PDZRN4: variants seen among roughly 807,000 people sequenced by gnomAD.
PDZRN4 encodes the protein PDZ domain-containing RING finger protein 4.
In PDZRN4, 70 loss-of-function variants were observed where a neutral mutation model predicts 99.0. The observed-to-expected ratio is 0.71, with a 90% CI of 0.58 to 0.86. PDZRN4 has a LOEUF of 0.86. Among genes scored for constraint, PDZRN4 ranks in the 40% least tolerant of loss-of-function variants. The pLI is 0.00. For synonymous variants in PDZRN4, 551 were observed against 501.6 expected (o/e 1.10, Z -1.32); for missense variants, 1,474 against 1,331.2 (o/e 1.11, Z -1.67).
rs1273518807 is a variant in PDZRN4 at position 41,567,793 on chromosome 12, G to C, written c.1478G>C (p.Gly493Ala). 2 of 1,609,738 alleles carry C rather than the reference G, an allele frequency of 1.2e-6. No individual in the cohort carries two copies. The highest frequency in any genetic ancestry group is 8.5e-7 in the Non-Finnish European group (1 of 1,176,622). ...TGTATTCTTTTGCAGCTGGATGAAG[G>C]CTGGCTGGAAGATGAAAGGAATGAA... The part of the protein sequence containing the change: ...VARPEIQLDE[G>A]WLEDERNEFL... The change falls in exon 9 of 10, where the codon GGC becomes GCC. Residue 493 changes from glycine (G) to alanine (A), a missense_variant. Transcript: ENST00000402685.
intron 3 of PDZRN4, among the ~76,000 whole-genome samples, chr12:41,421,211 T>C (rs73128625): frequency 0.12 from 17,829 of 152,276 alleles, 1,363 homozygotes; most frequent in Non-Finnish European, 0.17. Flanking sequence ...TTGTTTCTTT[T>C]TTTTCTTTTG....
At chr12:41,437,938 T>C (rs748101102) in intron 3 of PDZRN4, 11 of 1,613,832 alleles carry the variant, frequency 6.8e-6, no homozygotes, top group Non-Finnish European at 4.2e-6. Context: ...TCTCTCTGCT[T>C]CTTAGAATGG....
At chr12:41,244,271 C>T (rs567110500) in intron 3 of PDZRN4, among the ~76,000 whole-genome samples, 48 of 152,322 alleles carry the variant, frequency 3.2e-4, no homozygotes, top group African/African-American at 1.0e-3. Context: ...ACCATCTACA[C>T]TAAGCCATTG....
intron 5 of PDZRN4, among the ~76,000 whole-genome samples, chr12:41,526,298 C>A (rs1938566455): frequency 6.6e-6 from 1 of 152,196 alleles, no homozygotes; most frequent in South Asian, 2.1e-4. Flanking sequence ...TGCAGGAATC[C>A]TCAGTGTGCA....
At chr12:41,481,839 A>G (rs190495072) in intron 3 of PDZRN4, among the ~76,000 whole-genome samples, 123 of 152,254 alleles carry the variant, frequency 8.1e-4, no homozygotes, top group Non-Finnish European at 7.4e-4. Flanking sequence ...TTATTTGCCA[A>G]TGTAGTATAT....
intron 3 of PDZRN4, among the ~76,000 whole-genome samples, chr12:41,449,241 G>T (rs1952754783): frequency 6.6e-6 from 1 of 151,976 alleles, no homozygotes; most frequent in African/African-American, 2.4e-5. Context: ...ACTTGAGTAG[G>T]TCCTTTCTTT....
chr12:41,188,915 TGGGGCCGCG>T lies in PDZRN4; in HGVS notation c.463_471del (p.Gly155_Gly157del). ...GCGCGGGGGGCCGCCGGGCGGCCGCTGGGGCCGCGGGCGGGGACCCGGGCCTCGGGTCCT... is the reference window on the plus strand; with the variant it reads ...GCGCGGGGGGCCGCCGGGCGGCCGCTGGCGGGGACCCGGGCCTCGGGTCCT... On this transcript the variant is annotated inframe_deletion, in exon 1 of 10. Coordinates refer to ENST00000402685, the MANE Select transcript of PDZRN4 (RefSeq NM_001164595.2). 8.7e-7 allele frequency: 1 copy of T among 1,150,520 alleles called. No individual in the cohort carries two copies. The highest frequency in any genetic ancestry group is 1.1e-6 in the Non-Finnish European group (1 of 937,532). The allele number at this position is 1,150,520 out of a possible 1,614,324, so 71.3% of individuals were successfully genotyped here. A position where few individuals can be genotyped will look rare whatever the true frequency, so the allele number is the denominator to read the frequency against.
chr12:41,259,983 C>T (rs978475822), intron 3 of PDZRN4, among the ~76,000 whole-genome samples: 1 of 152,068 alleles, frequency 6.6e-6, no homozygotes, highest in Non-Finnish European at 1.5e-5. Flanking sequence ...AGGACATTTT[C>T]TACTTTATTT....
chr12:41,532,139 A>G (rs1371678493), intron 5 of PDZRN4, among the ~76,000 whole-genome samples: 1 of 152,086 alleles, frequency 6.6e-6, no homozygotes, highest in Non-Finnish European at 1.5e-5. Flanking sequence ...TATTTTTCTG[A>G]TATGTACAAC....
chr12:41,353,809 A>G (rs1448728509), intron 3 of PDZRN4, among the ~76,000 whole-genome samples: 2 of 152,082 alleles, frequency 1.3e-5, no homozygotes, highest in African/African-American at 4.8e-5. Context: ...TACTTTAACC[A>G]GTTAGAATTT....
intron 3 of PDZRN4, among the ~76,000 whole-genome samples, chr12:41,250,837 G>C (rs556771066): frequency 4.6e-5 from 7 of 152,286 alleles, no homozygotes; most frequent in South Asian, 4.1e-4. Flanking sequence ...ATAATAAGCA[G>C]ATGTTATTGT....
chr12:41,529,393 C>G (rs955450797), intron 5 of PDZRN4, among the ~76,000 whole-genome samples: 2 of 152,138 alleles, frequency 1.3e-5, no homozygotes, highest in Non-Finnish European at 2.9e-5. Flanking sequence ...TTTGGTTACA[C>G]CAAATAGTAT....
intron 3 of PDZRN4, among the ~76,000 whole-genome samples, chr12:41,223,779 C>T (rs924596699): frequency 2.0e-5 from 3 of 152,030 alleles, no homozygotes; most frequent in African/African-American, 4.8e-5. Context: ...TGGCACTGGG[C>T]GATGGCCAGG....
chr12:41,314,552 T>G (rs1189771881), intron 3 of PDZRN4, among the ~76,000 whole-genome samples: 2 of 152,164 alleles, frequency 1.3e-5, no homozygotes, highest in Non-Finnish European at 2.9e-5. Flanking sequence ...GCATTTTAAC[T>G]GAGTCTTGAG....
chr12:41,259,068 T>C (rs1269181201), intron 3 of PDZRN4, among the ~76,000 whole-genome samples: 3 of 152,088 alleles, frequency 2.0e-5, no homozygotes, highest in Non-Finnish European at 2.9e-5. Context: ...TGCATTTAAA[T>C]ACACACATAA....
chr12:41,230,543 C>T (rs1397277982), intron 3 of PDZRN4, among the ~76,000 whole-genome samples: 1 of 152,032 alleles, frequency 6.6e-6, no homozygotes, highest in African/African-American at 2.4e-5. Context: ...GCATGTATCC[C>T]AAAGAATTTA....
chr12:41,427,659 C>T (rs1027362329), intron 3 of PDZRN4, among the ~76,000 whole-genome samples: 3 of 152,054 alleles, frequency 2.0e-5, no homozygotes, highest in Non-Finnish European at 4.4e-5. Context: ...ATTAACATGT[C>T]GATTTTTTGG....
chr12:41,294,657 T>C (rs1951479295), intron 3 of PDZRN4, among the ~76,000 whole-genome samples: 1 of 152,160 alleles, frequency 6.6e-6, no homozygotes, highest in South Asian at 2.1e-4. Flanking sequence ...ATTACCTCTT[T>C]ATACCTGAGC....
chr12:41,345,097 C>G (rs1231156197), intron 3 of PDZRN4, among the ~76,000 whole-genome samples: 1 of 152,044 alleles, frequency 6.6e-6, no homozygotes. Flanking sequence ...CAACTTTAAT[C>G]TGTTTCATTT....
Sources: allele counts gnomAD v4.1 joint callset (sites outside exome capture counted in the v4.1 genomes callset), GRCh38; gene constraint gnomAD v4.1.1; transcripts MANE v1.5; gene names NCBI Gene and HGNC (gene_info 2026-07-23, HGNC 2026-07-21).